PVT1: variants seen among roughly 807,000 people sequenced by gnomAD.
PVT1 encodes CXCR4/PVT1 fusion.
At chr8:128,089,224 A>T (rs1290791865) in intron 5 of PVT1, among the ~76,000 whole-genome samples, 1 of 152,218 alleles carries the variant, frequency 6.6e-6, no homozygotes, top group Non-Finnish European at 1.5e-5. Flanking sequence ...TTTACTTCTC[A>T]TAGTTCTAGA....
intron 2 of PVT1, among the ~76,000 whole-genome samples, chr8:127,826,992 CTCT>C (rs1160810158): frequency 2.6e-5 from 2 of 77,758 alleles, no homozygotes; most frequent in East Asian, 6.2e-4. Flanking sequence ...CTTTCTTTTT[CTCT>C]TTTTTTTTTT....
intron 4 of PVT1, among the ~76,000 whole-genome samples, chr8:128,054,644 G>A (rs1813742774): frequency 1.3e-5 from 2 of 152,254 alleles, no homozygotes; most frequent in Admixed American, 1.3e-4. Flanking sequence ...GTTGCCTCTT[G>A]CCACATGATT....
intron 3 of PVT1, among the ~76,000 whole-genome samples, chr8:127,892,137 C>T (rs1815618176): frequency 6.6e-6 from 1 of 152,210 alleles, no homozygotes; most frequent in African/African-American, 2.4e-5. Flanking sequence ...ATTCCTAGTT[C>T]GGCTCATGCC....
intron 2 of PVT1, among the ~76,000 whole-genome samples, chr8:127,842,886 A>AGG (rs1814988599): frequency 6.6e-6 from 1 of 152,280 alleles, no homozygotes; most frequent in Non-Finnish European, 1.5e-5. Flanking sequence ...ATTGCCTAGT[A>AGG]CCCAACTTCC....
chr8:127,832,475 G>A (rs4733798), intron 2 of PVT1, among the ~76,000 whole-genome samples: 91,028 of 152,116 alleles, frequency 0.6, 27,592 homozygotes, highest in Admixed American at 0.66. Context: ...GGTTCAGCAA[G>A]TGGTTTTGTG....
chr8:127,833,318 G>C (rs1397761208), intron 2 of PVT1, among the ~76,000 whole-genome samples: 1 of 152,204 alleles, frequency 6.6e-6, no homozygotes, highest in Non-Finnish European at 1.5e-5. Flanking sequence ...TGTGGAACTG[G>C]AATGTGGCTG....
At chr8:128,084,963 A>G (rs1272827524) in intron 5 of PVT1, among the ~76,000 whole-genome samples, 1 of 152,220 alleles carries the variant, frequency 6.6e-6, no homozygotes, top group Non-Finnish European at 1.5e-5. Context: ...GGGTCTTGGT[A>G]CCAGTCAGAA....
chr8:127,917,725 A>G (rs2893634), intron 3 of PVT1, among the ~76,000 whole-genome samples: 123,729 of 152,296 alleles, frequency 0.81, 50,870 homozygotes, highest in Middle Eastern at 0.94. Context: ...CAACGCGCCT[A>G]CAGCCCGCTC....
intron 4 of PVT1, among the ~76,000 whole-genome samples, chr8:127,993,016 C>T (rs79728649): frequency 0.016 from 2,477 of 152,320 alleles, 73 homozygotes; most frequent in African/African-American, 0.057. Flanking sequence ...CGGAACTCTA[C>T]GCTTGAAACA....
chr8:127,962,729 T>G (rs939971625), intron 3 of PVT1, among the ~76,000 whole-genome samples: 1 of 152,116 alleles, frequency 6.6e-6, no homozygotes, highest in Non-Finnish European at 1.5e-5. Flanking sequence ...CCCGAGTAGC[T>G]GGGATTACAG....
intron 3 of PVT1, among the ~76,000 whole-genome samples, chr8:127,984,869 CTTTCTT>C (rs1193208395): frequency 1.4e-4 from 10 of 73,428 alleles, no homozygotes; most frequent in South Asian, 1.3e-3. Flanking sequence ...TTCTTTCTTT[CTTTCTT>C]TCTTTCTTTC....
At chr8:127,835,754 A>T (rs538261026) in intron 2 of PVT1, among the ~76,000 whole-genome samples, 1 of 152,326 alleles carries the variant, frequency 6.6e-6, no homozygotes, top group African/African-American at 2.4e-5. Context: ...TGAGTTCTCC[A>T]TCACTAGAGG....
chr8:127,960,937 T>TGGGGGGGGGG (rs71566655), intron 3 of PVT1, among the ~76,000 whole-genome samples: 2 of 22,084 alleles, frequency 9.1e-5, no homozygotes, highest in Non-Finnish European at 2.4e-4. Context: ...TGTGTGTGTT[T>TGGGGGGGGGG]GGGGGTGGGG....
At chr8:127,964,531 G>C (rs777883616) in intron 3 of PVT1, among the ~76,000 whole-genome samples, 3 of 152,192 alleles carry the variant, frequency 2.0e-5, no homozygotes, top group Non-Finnish European at 4.4e-5. Flanking sequence ...AATTTCGACA[G>C]ATTTGGTAGC....
intron 5 of PVT1, among the ~76,000 whole-genome samples, chr8:128,087,523 T>A (rs1563683886): frequency 6.6e-6 from 1 of 152,162 alleles, no homozygotes; most frequent in Non-Finnish European, 1.5e-5. Context: ...ACTGCCGTTT[T>A]AGTTAATGAA....
intron 4 of PVT1, among the ~76,000 whole-genome samples, chr8:128,055,755 A>G (rs914270952): frequency 6.6e-6 from 1 of 152,184 alleles, no homozygotes; most frequent in African/African-American, 2.4e-5. Flanking sequence ...GGCTGGTGGC[A>G]TCTGTCTTGC....
intron 2 of PVT1, among the ~76,000 whole-genome samples, chr8:127,807,733 A>G (rs898592816): frequency 6.6e-6 from 1 of 152,158 alleles, no homozygotes; most frequent in Admixed American, 6.5e-5. Flanking sequence ...CAAGATGTTC[A>G]TGGTTGTCAA....
chr8:128,043,773 T>TACACACACACACAC (rs112991135), intron 4 of PVT1, among the ~76,000 whole-genome samples: 8 of 140,740 alleles, frequency 5.7e-5, no homozygotes, highest in African/African-American at 2.2e-4. Flanking sequence ...AACTATTTCC[T>TACACACACACACAC]ACACACACAC....
At chr8:127,929,313 C>G (rs959932461) in intron 3 of PVT1, among the ~76,000 whole-genome samples, 54 of 151,638 alleles carry the variant, frequency 3.6e-4, no homozygotes, top group African/African-American at 1.3e-3. Context: ...CTGCTAGAAC[C>G]CTCCCTAAGC....
Sources: allele counts gnomAD v4.1 joint callset (sites outside exome capture counted in the v4.1 genomes callset), GRCh38; gene constraint gnomAD v4.1.1; transcripts MANE v1.5; gene names NCBI Gene and HGNC (gene_info 2026-07-23, HGNC 2026-07-21).